Variants in GARIN2 observed in about 807,000 individuals in gnomAD.
GARIN2 encodes the protein golgi associated RAB2 interactor family member 2.
chr14:67,195,713 T>TTGTGTGTGTGTG, the GARIN2 span, among the ~76,000 whole-genome samples: 3 of 143,232 alleles, frequency 2.1e-5, no homozygotes, highest in African/African-American at 7.6e-5. Context: ...TTCTTTTTGG[T>TTGTGTGTGTGTG]TGTGTGTGTG....
At chr14:67,207,780 C>CA in the GARIN2 span, among the ~76,000 whole-genome samples, 17 of 151,330 alleles carry the variant, frequency 1.1e-4, no homozygotes, top group East Asian at 2.3e-3. Flanking sequence ...AGTCTTTTGA[C>CA]AAAAAAAAAT....
chr14:67,204,375 G>A, the GARIN2 span: 1 of 621,886 alleles, frequency 1.6e-6, no homozygotes, highest in African/African-American at 2.0e-5. Flanking sequence ...GGAAGTCGAG[G>A]CTGCAGTGAG....
the GARIN2 span, chr14:67,198,234 G>C: frequency 3.1e-6 from 5 of 1,613,946 alleles, no homozygotes; most frequent in Non-Finnish European, 3.4e-6. Context: ...ACACTCCCAT[G>C]ATCCGAGAGA....
chr14:67,203,395 T>C, the GARIN2 span: 1 of 939,234 alleles, frequency 1.1e-6, no homozygotes, highest in Non-Finnish European at 1.5e-6. Flanking sequence ...CAGTGGAGCA[T>C]GTTACTCGCA....
the GARIN2 span, chr14:67,199,356 G>A: frequency 6.2e-7 from 1 of 1,613,992 alleles, no homozygotes. Flanking sequence ...CTGGATGTAG[G>A]GGCCAACATT....
the GARIN2 span, among the ~76,000 whole-genome samples, chr14:67,190,502 C>T: frequency 2.6e-5 from 4 of 152,206 alleles, no homozygotes; most frequent in South Asian, 2.1e-4. Context: ...GGATTACAGG[C>T]GTGAGCCGTT....
At chr14:67,210,517 T>C in the GARIN2 span, among the ~76,000 whole-genome samples, 5 of 152,152 alleles carry the variant, frequency 3.3e-5, no homozygotes, top group East Asian at 1.9e-4. Context: ...AAAATGTAAA[T>C]ACAATGGTAT....
chr14:67,219,862 T>C, the GARIN2 span, among the ~76,000 whole-genome samples: 1 of 152,200 alleles, frequency 6.6e-6, no homozygotes, highest in Admixed American at 6.5e-5. Flanking sequence ...TGGTTATAAG[T>C]AATCCTCTTA....
the GARIN2 span, among the ~76,000 whole-genome samples, chr14:67,190,634 T>A: frequency 6.6e-6 from 1 of 152,170 alleles, no homozygotes; most frequent in East Asian, 1.9e-4. Context: ...CCTTTTTAAT[T>A]ACTCAAATAT....
chr14:67,219,572 A>G, the GARIN2 span, among the ~76,000 whole-genome samples: 1 of 152,218 alleles, frequency 6.6e-6, no homozygotes, highest in Non-Finnish European at 1.5e-5. Flanking sequence ...TTTTTAAAAC[A>G]TTAAATATTA....
the GARIN2 span, among the ~76,000 whole-genome samples, chr14:67,223,286 C>T: frequency 6.6e-6 from 1 of 152,050 alleles, no homozygotes; most frequent in African/African-American, 2.4e-5. Context: ...AGGCGTGAGC[C>T]ACTGCGCCTG....
At chr14:67,204,977 T>C in the GARIN2 span, 1 of 1,584,920 alleles carries the variant, frequency 6.3e-7, no homozygotes. Context: ...ACAGAAGTCA[T>C]AGAAGTCAGA....
the GARIN2 span, among the ~76,000 whole-genome samples, chr14:67,196,215 CTTTCTT>C: frequency 6.9e-6 from 1 of 145,394 alleles, no homozygotes; most frequent in South Asian, 2.1e-4. Context: ...CTTTTCTTTT[CTTTCTT>C]TCTTTTTTTT....
the GARIN2 span, among the ~76,000 whole-genome samples, chr14:67,223,435 C>T: frequency 6.6e-6 from 1 of 152,214 alleles, no homozygotes; most frequent in Non-Finnish European, 1.5e-5. Context: ...AAGAGGAGGG[C>T]ATGATTCGCT....
the GARIN2 span, chr14:67,208,119 C>A: frequency 1.9e-6 from 3 of 1,548,588 alleles, no homozygotes; most frequent in Middle Eastern, 2.3e-4. Context: ...TGAAATGGTG[C>A]CTGTATTCGA....
the GARIN2 span, among the ~76,000 whole-genome samples, chr14:67,192,525 C>A: frequency 5.3e-5 from 8 of 151,520 alleles, no homozygotes; most frequent in South Asian, 1.7e-3. Flanking sequence ...ACTGTGCCCG[C>A]ACACCGAGAA....
At chr14:67,202,422 A>G in the GARIN2 span, among the ~76,000 whole-genome samples, 1 of 152,234 alleles carries the variant, frequency 6.6e-6, no homozygotes, top group Non-Finnish European at 1.5e-5. Flanking sequence ...CCTGGGCAAC[A>G]GAACGAGACT....
the GARIN2 span, among the ~76,000 whole-genome samples, chr14:67,213,770 T>C: frequency 1.3e-5 from 2 of 152,228 alleles, no homozygotes; most frequent in African/African-American, 2.4e-5. Flanking sequence ...AACTAGTTTA[T>C]AGTCCCACCA....
At chr14:67,214,157 C>G in the GARIN2 span, among the ~76,000 whole-genome samples, 1 of 152,148 alleles carries the variant, frequency 6.6e-6, no homozygotes, top group Non-Finnish European at 1.5e-5. Flanking sequence ...TGTGCAGAAG[C>G]TCTTTAGTTT....
Sources: allele counts gnomAD v4.1 joint callset (sites outside exome capture counted in the v4.1 genomes callset), GRCh38; gene constraint gnomAD v4.1.1; transcripts MANE v1.5; gene names NCBI Gene and HGNC (gene_info 2026-07-23, HGNC 2026-07-21).